Variants in GABBR2 observed in about 807,000 individuals in gnomAD.
The protein encoded by GABBR2 is gamma-aminobutyric acid type B receptor subunit 2, also known as G-protein coupled receptor 51.
Under a neutral mutation model 105.6 loss-of-function variants are expected in GABBR2, and 23 were observed. That is an observed-to-expected ratio of 0.22 (90% CI 0.16 to 0.31). The LOEUF (loss-of-function observed/expected upper bound fraction) is 0.31. Ranked by LOEUF, GABBR2 falls within the 10% of genes least tolerant of loss-of-function variation. The pLI is 1.00. For missense variants in GABBR2, 734 were observed against 1,245.5 expected, an observed-to-expected ratio of 0.59 and a Z score of 6.18; for synonymous variants, 478 against 499.7, an observed-to-expected ratio of 0.96 and a Z score of 0.58.
chr9:98,388,276 C>G lies in GABBR2; in HGVS notation c.1529+578G>C. On this transcript the variant is annotated intron_variant, in intron 10 of 18. Coordinates refer to ENST00000259455, the MANE Select transcript of GABBR2 (RefSeq NM_005458.8). The surrounding 1 kb of genome is among the most constrained non-coding windows in gnomAD (Gnocchi z 4.4). ...TCTGCCACGAGTGGACAGCAGCACT[C>G]TGTCGCTGAACTTCAGGGCTTTTCT... Among the ~76,000 whole-genome samples the G allele has an allele frequency of 6.6e-6, 1 of 152,194 alleles. No individual in the cohort carries two copies. The highest frequency in any genetic ancestry group is 1.9e-4 in the East Asian group (1 of 5,188).
At chr9:98,621,506 A>C (rs1388190562) in intron 1 of GABBR2, among the ~76,000 whole-genome samples, 1 of 152,212 alleles carries the variant, frequency 6.6e-6, no homozygotes, top group African/African-American at 2.4e-5. Flanking sequence ...GTGTTCACAG[A>C]GCGCAAAACA....
intron 1 of GABBR2, among the ~76,000 whole-genome samples, chr9:98,605,878 A>G (rs1829410365): frequency 6.6e-6 from 1 of 151,546 alleles, no homozygotes; most frequent in African/African-American, 2.4e-5. Flanking sequence ...GCACCCGTTA[A>G]CTCGTCATTT....
At chr9:98,682,136 A>T (rs993887812) in intron 1 of GABBR2, among the ~76,000 whole-genome samples, 17 of 151,778 alleles carry the variant, frequency 1.1e-4, no homozygotes, top group Non-Finnish European at 1.6e-4. Context: ...CTGAGGCAGG[A>T]GAATCACTTG....
chr9:98,298,041 T>TTA (rs2131342354), intron 17 of GABBR2, among the ~76,000 whole-genome samples: 1 of 133,538 alleles, frequency 7.5e-6, no homozygotes, highest in African/African-American at 2.8e-5. Context: ...GACTCCATCT[T>TTA]AAAAAAAAAA....
chr9:98,689,609 C>CAG (rs1312127901), intron 1 of GABBR2, among the ~76,000 whole-genome samples: 2 of 152,196 alleles, frequency 1.3e-5, no homozygotes, highest in Non-Finnish European at 2.9e-5. Context: ...AGCTGGACTG[C>CAG]AGAAAGCAGC....
chr9:98,291,799 G>A (rs1564004412), intron 18 of GABBR2, among the ~76,000 whole-genome samples: 1 of 152,170 alleles, frequency 6.6e-6, no homozygotes. Context: ...GATGAACTGT[G>A]TCTCCTTCAA....
In GABBR2 at chr9:98,454,994, G is replaced by C. The variant is rs995108980; in HGVS notation, c.1000-777C>G. Among the ~76,000 whole-genome samples, 3 of 152,116 alleles carry C rather than the reference G, an allele frequency of 2.0e-5. No homozygotes were observed. The highest frequency in any genetic ancestry group is 7.2e-5 in the African/African-American group (3 of 41,430). ...GCAGGTCTGAGTGGGCTGTGTCCGTGGCTTGCAGATTCTGGGCCCCGAGGG... is the reference window on the plus strand; with the variant it reads ...GCAGGTCTGAGTGGGCTGTGTCCGTCGCTTGCAGATTCTGGGCCCCGAGGG... On this transcript the variant is annotated intron_variant, in intron 6 of 18. Coordinates refer to ENST00000259455, the MANE Select transcript of GABBR2 (RefSeq NM_005458.8). The surrounding 1 kb of genome is among the most constrained non-coding windows in gnomAD (Gnocchi z 4.6).
At chr9:98,613,995 T>C (rs774855877) in intron 1 of GABBR2, among the ~76,000 whole-genome samples, 2 of 152,154 alleles carry the variant, frequency 1.3e-5, no homozygotes, top group African/African-American at 2.4e-5. Flanking sequence ...CAGGTATTAG[T>C]GGGTTGTGAT....
intron 4 of GABBR2, among the ~76,000 whole-genome samples, chr9:98,494,761 G>A (rs368162557): frequency 4.6e-5 from 7 of 152,280 alleles, no homozygotes; most frequent in African/African-American, 1.7e-4. Context: ...TGGCTATTTC[G>A]GCTGTTATTT....
intron 7 of GABBR2, among the ~76,000 whole-genome samples, chr9:98,411,565 T>G (rs1053438756): frequency 6.6e-6 from 1 of 151,836 alleles, no homozygotes; most frequent in Non-Finnish European, 1.5e-5. Context: ...TCCCATTTTT[T>G]TTTTGTTTTG....
At chr9:98,673,269 A>G (rs1262004094) in intron 1 of GABBR2, among the ~76,000 whole-genome samples, 1 of 152,250 alleles carries the variant, frequency 6.6e-6, no homozygotes. Context: ...GTACAGCCAC[A>G]GAAAGTGCCA....
chr9:98,476,332 T>C (rs995277092), intron 5 of GABBR2, among the ~76,000 whole-genome samples: 2 of 152,232 alleles, frequency 1.3e-5, no homozygotes, highest in Non-Finnish European at 2.9e-5. Flanking sequence ...ATACATTTTA[T>C]TTAGAACATT....
At chr9:98,537,967 G>A (rs890600964) in intron 3 of GABBR2, among the ~76,000 whole-genome samples, 1 of 152,144 alleles carries the variant, frequency 6.6e-6, no homozygotes, top group Non-Finnish European at 1.5e-5. Flanking sequence ...CCCCCAGGCT[G>A]TGTCATTGAT....
intron 4 of GABBR2, among the ~76,000 whole-genome samples, chr9:98,494,997 T>G (rs949190377): frequency 6.6e-6 from 1 of 152,148 alleles, no homozygotes; most frequent in Non-Finnish European, 1.5e-5. Context: ...GGCCCTCCCC[T>G]CCTCTCCCAA....
rs181691861 is a variant in GABBR2, at chr9:98,350,702, C to T, written c.1893+12013G>A. ...ATGTTCCATGTGTTGATGAGAAAAA[C>T]GTGTATTCTGTAGCCATTGGATGAA... On this transcript the variant is annotated intron_variant, in intron 13 of 18. Transcript: ENST00000259455. Among the ~76,000 whole-genome samples, 618 of 152,230 alleles carry T rather than the reference C, an allele frequency of 4.1e-3. 3 individuals are homozygous for T. The highest frequency in any genetic ancestry group is 0.014 in the African/African-American group (576 of 41,544).
Position 98,552,105 on chromosome 9 carries a change from G to A in GABBR2, c.460-10062C>T, listed in dbSNP as rs569303179. On this transcript the variant is annotated intron_variant, in intron 2 of 18. Transcript: ENST00000259455. The stretch of plus-strand genomic sequence containing the variant: ...CTTCAGGATCTTTATGACATTCCAA[G>A]GCATTGACGAATTCTTGCCTAAATG... 2.0e-5 allele frequency: 3 copies of A among 152,280 alleles called. No homozygotes were observed. The East Asian group carries it at 5.8e-4, about 29-fold the overall frequency. 9.4% of individuals were successfully genotyped at this position (152,280 alleles called of 1,614,324 possible).
chr9:98,469,386 A>G (rs1436472399), intron 6 of GABBR2, among the ~76,000 whole-genome samples: 1 of 152,172 alleles, frequency 6.6e-6, no homozygotes, highest in Non-Finnish European at 1.5e-5. Flanking sequence ...TGATTCAATC[A>G]TCTCCCACCA....
At chr9:98,611,404 T>C (rs1263223912) in intron 1 of GABBR2, among the ~76,000 whole-genome samples, 1 of 152,140 alleles carries the variant, frequency 6.6e-6, no homozygotes, top group East Asian at 1.9e-4. Context: ...CTTGAGCTTC[T>C]CCAACAATGA....
chr9:98,547,284 T>C lies in GABBR2; in HGVS notation c.460-5241A>G, dbSNP rs1276208399. Among the ~76,000 whole-genome samples, 4 of 117,250 alleles carry C rather than the reference T, an allele frequency of 3.4e-5. 2 individuals carry two copies. The Admixed American group carries it at 3.9e-4, about 11-fold the overall frequency. 76.9% of individuals were successfully genotyped at this position (117,250 alleles called of 152,430 possible). A position where few individuals can be genotyped will look rare whatever the true frequency, so the allele number is the denominator to read the frequency against. On this transcript the variant is annotated intron_variant, in intron 2 of 18. Coordinates refer to ENST00000259455, the MANE Select transcript of GABBR2 (RefSeq NM_005458.8). ...ACCTAATATATATATATAAAATGAC[T>C]ATGCTATATTTATATTGTGTATATT...
Sources: allele counts gnomAD v4.1 joint callset (sites outside exome capture counted in the v4.1 genomes callset), GRCh38; gene constraint gnomAD v4.1.1; non-coding constraint Gnocchi (gnomAD v3.1); transcripts MANE v1.5; gene names NCBI Gene and HGNC (gene_info 2026-07-23, HGNC 2026-07-21).